The following ATG5 variants were observed in gnomAD, a reference collection of about 807,000 sequenced individuals.
ATG5 encodes autophagy related 5.
A neutral mutation model predicts 36.5 loss-of-function variants in ATG5; 14 were observed. The ratio of observed to expected loss-of-function variants is 0.38; its 90% CI spans 0.25 to 0.60. The LOEUF is 0.60. ATG5 is among the 20% of genes least tolerant of loss of function. ATG5 has a pLI of 0.60. For missense variants in ATG5, 195 were observed against 326.7 expected (o/e 0.60, Z 3.11); for synonymous variants, 95 against 101.5 (o/e 0.94, Z 0.38).
intron 2 of ATG5, among the ~76,000 whole-genome samples, chr6:106,313,672 T>G (rs1770738319): frequency 1.3e-5 from 2 of 152,194 alleles, no homozygotes; most frequent in Non-Finnish European, 2.9e-5. Flanking sequence ...GGAAAGATTA[T>G]GCACAGAGGC....
At chr6:106,210,948 G>C (rs1427901777) in intron 6 of ATG5, among the ~76,000 whole-genome samples, 2 of 151,988 alleles carry the variant, frequency 1.3e-5, no homozygotes, top group African/African-American at 4.8e-5. Flanking sequence ...GTATTGAGCT[G>C]TCAAAAAAAA....
At chr6:106,315,356 A>G (rs966841662) in intron 2 of ATG5, among the ~76,000 whole-genome samples, 11 of 152,190 alleles carry the variant, frequency 7.2e-5, no homozygotes, top group Non-Finnish European at 1.6e-4. Flanking sequence ...ACAATTGAGA[A>G]TATCTTTGCC....
At chr6:106,281,406 G>A (rs1779872647) in intron 4 of ATG5, among the ~76,000 whole-genome samples, 1 of 152,084 alleles carries the variant, frequency 6.6e-6, no homozygotes, top group Non-Finnish European at 1.5e-5. Context: ...AGTTTTGCCT[G>A]TAATAAAATC....
chr6:106,269,010 A>G (rs1779335136), intron 5 of ATG5, among the ~76,000 whole-genome samples: 1 of 152,210 alleles, frequency 6.6e-6, no homozygotes, highest in Non-Finnish European at 1.5e-5. Flanking sequence ...ACAAACCTGC[A>G]CCTTCTGCAC....
intron 7 of ATG5, among the ~76,000 whole-genome samples, chr6:106,191,276 A>T (rs1775958094): frequency 6.6e-6 from 1 of 152,160 alleles, no homozygotes; most frequent in Non-Finnish European, 1.5e-5. Context: ...TTTATGTAGA[A>T]ACCCAATATA....
intron 6 of ATG5, among the ~76,000 whole-genome samples, chr6:106,229,434 G>C (rs1458634792): frequency 6.7e-6 from 1 of 150,042 alleles, no homozygotes; most frequent in African/African-American, 2.5e-5. Context: ...GAGAGACAGA[G>C]AGGAGAGAGA....
intron 5 of ATG5, among the ~76,000 whole-genome samples, chr6:106,273,391 G>C (rs1779527890): frequency 6.6e-6 from 1 of 152,172 alleles, no homozygotes; most frequent in African/African-American, 2.4e-5. Context: ...GACCGAGAAG[G>C]AGGGGGATGG....
At chr6:106,245,068 T>C (rs577561862) in intron 6 of ATG5, among the ~76,000 whole-genome samples, 1 of 152,306 alleles carries the variant, frequency 6.6e-6, no homozygotes, top group South Asian at 2.1e-4. Flanking sequence ...TACTGGCTAA[T>C]ATGAAGCACC....
intron 3 of ATG5, among the ~76,000 whole-genome samples, chr6:106,306,195 TATA>T (rs1770438758): frequency 6.6e-6 from 1 of 152,142 alleles, no homozygotes; most frequent in Non-Finnish European, 1.5e-5. Context: ...AAGAACATGG[TATA>T]ATAATATTTA....
chr6:106,228,369 G>C (rs943559842), intron 6 of ATG5, among the ~76,000 whole-genome samples: 1 of 152,150 alleles, frequency 6.6e-6, no homozygotes, highest in Non-Finnish European at 1.5e-5. Flanking sequence ...TGCCGATCCC[G>C]ACTGGGCTAA....
intron 4 of ATG5, among the ~76,000 whole-genome samples, chr6:106,284,713 T>C (rs1019488841): frequency 2.7e-5 from 4 of 150,730 alleles, no homozygotes; most frequent in Non-Finnish European, 4.4e-5. Context: ...TAACTCGTTG[T>C]GTGGGGTTTT....
At chr6:106,314,058 A>G (rs1248512515) in intron 2 of ATG5, among the ~76,000 whole-genome samples, 1 of 152,212 alleles carries the variant, frequency 6.6e-6, no homozygotes, top group Non-Finnish European at 1.5e-5. Context: ...CCAATTACCT[A>G]TAAGACAAGA....
At chr6:106,287,466 T>C (rs1780124378) in intron 4 of ATG5, among the ~76,000 whole-genome samples, 3 of 152,198 alleles carry the variant, frequency 2.0e-5, no homozygotes, top group Non-Finnish European at 2.9e-5. Context: ...CATAAGCACT[T>C]ATCTGAATGT....
intron 6 of ATG5, among the ~76,000 whole-genome samples, chr6:106,221,810 G>A (rs1359186153): frequency 6.6e-6 from 1 of 151,974 alleles, no homozygotes; most frequent in South Asian, 2.1e-4. Context: ...ATCATAAAAA[G>A]GTGAGGATGA....
At chr6:106,320,978 G>C (rs1771043807) in intron 1 of ATG5, among the ~76,000 whole-genome samples, 1 of 152,190 alleles carries the variant, frequency 6.6e-6, no homozygotes, top group Admixed American at 6.5e-5. Flanking sequence ...AGAAACAGAT[G>C]AGTCTTTCCA....
intron 6 of ATG5, among the ~76,000 whole-genome samples, chr6:106,205,316 A>T (rs1461134667): frequency 6.6e-6 from 1 of 152,262 alleles, no homozygotes; most frequent in African/African-American, 2.4e-5. Context: ...CCTGAAAACA[A>T]CAAAGTCAAA....
At chr6:106,199,059 T>C (rs1776318673) in intron 7 of ATG5, among the ~76,000 whole-genome samples, 1 of 152,168 alleles carries the variant, frequency 6.6e-6, no homozygotes, top group Non-Finnish European at 1.5e-5. Context: ...GAGATACCAC[T>C]AGGATGGCAA....
chr6:106,281,230 T>C (rs573905859), intron 4 of ATG5, among the ~76,000 whole-genome samples: 1 of 152,278 alleles, frequency 6.6e-6, no homozygotes, highest in African/African-American at 2.4e-5. Flanking sequence ...TCACATACAG[T>C]GAAATGCAGA....
chr6:106,269,600 C>A (rs1419708578), intron 5 of ATG5, among the ~76,000 whole-genome samples: 1 of 152,246 alleles, frequency 6.6e-6, no homozygotes, highest in Non-Finnish European at 1.5e-5. Flanking sequence ...CGCCGGTGGG[C>A]CGTCACTGCT....
Sources: allele counts gnomAD v4.1 joint callset (sites outside exome capture counted in the v4.1 genomes callset), GRCh38; gene constraint gnomAD v4.1.1; transcripts MANE v1.5; gene names NCBI Gene and HGNC (gene_info 2026-07-23, HGNC 2026-07-21).